HDAC9: variants seen among roughly 807,000 people sequenced by gnomAD.
HDAC9 encodes the protein MEF-2 interacting transcription repressor (MITR) protein.
HDAC9 carries 41 observed loss-of-function variants against 139.4 expected under a neutral mutation model. That is an observed-to-expected ratio of 0.29 (90% CI 0.23 to 0.38). The LOEUF (loss-of-function observed/expected upper bound fraction) is 0.38. Among genes scored for constraint, HDAC9 ranks in the 10% least tolerant of loss-of-function variants. The pLI, the probability that HDAC9 is intolerant of heterozygous loss-of-function variation, is 1.00. For synonymous variants in HDAC9, 517 were observed against 476.2 expected (o/e 1.09, Z -1.12); for missense variants, 1,147 against 1,297.0 (o/e 0.88, Z 1.78).
intron 2 of HDAC9, among the ~76,000 whole-genome samples, chr7:18,259,945 G>A (rs1795538822): frequency 6.6e-6 from 1 of 152,076 alleles, no homozygotes. Context: ...GTTGGCATTG[G>A]CCACAGTTTC....
chr7:18,132,356 C>T (rs925670287), intron 1 of HDAC9, among the ~76,000 whole-genome samples: 1 of 152,100 alleles, frequency 6.6e-6, no homozygotes, highest in African/African-American at 2.4e-5. Flanking sequence ...TTTGTCATAT[C>T]TGAATATATT....
At chr7:18,929,569 T>TG (rs1804546244) in intron 22 of HDAC9, among the ~76,000 whole-genome samples, 1 of 152,166 alleles carries the variant, frequency 6.6e-6, no homozygotes, top group Non-Finnish European at 1.5e-5. Context: ...TAGTAGTAGA[T>TG]GTGGTGTTTG....
chr7:18,718,915 G>C (rs1784917807), intron 12 of HDAC9, among the ~76,000 whole-genome samples: 1 of 152,100 alleles, frequency 6.6e-6, no homozygotes, highest in Non-Finnish European at 1.5e-5. Context: ...CAATTTCTCT[G>C]CATCTTCCAC....
chr7:18,702,417 G>C (rs114759292), intron 12 of HDAC9, among the ~76,000 whole-genome samples: 1,560 of 152,318 alleles, frequency 0.01, 22 homozygotes, highest in African/African-American at 0.036. Flanking sequence ...GAGTGAGGAG[G>C]ATAAAAGTCG....
chr7:18,309,884 G>A (rs1799185997), intron 1 of HDAC9, among the ~76,000 whole-genome samples: 1 of 152,112 alleles, frequency 6.6e-6, no homozygotes, highest in Non-Finnish European at 1.5e-5. Flanking sequence ...CACATTAGTT[G>A]CAAAGGATGA....
At chr7:18,586,792 G>T (rs1294972025) in intron 3 of HDAC9, among the ~76,000 whole-genome samples, 1 of 152,090 alleles carries the variant, frequency 6.6e-6, no homozygotes, top group Non-Finnish European at 1.5e-5. Context: ...CTTAAAGTGA[G>T]AGTATTTTCT....
At chr7:18,185,948 CAT>C (rs1231052848) in intron 2 of HDAC9, among the ~76,000 whole-genome samples, 1 of 152,114 alleles carries the variant, frequency 6.6e-6, no homozygotes, top group African/African-American at 2.4e-5. Context: ...TGGGATATCA[CAT>C]ATTGCTGAAT....
At chr7:18,614,473 T>G (rs534834437) in intron 6 of HDAC9, among the ~76,000 whole-genome samples, 8 of 152,200 alleles carry the variant, frequency 5.3e-5, no homozygotes, top group African/African-American at 7.2e-5. Context: ...TTTCTCATTT[T>G]TAAAGTAGGA....
intron 22 of HDAC9, among the ~76,000 whole-genome samples, chr7:18,881,337 C>A (rs1563017871): frequency 6.6e-6 from 1 of 152,068 alleles, no homozygotes; most frequent in Admixed American, 6.6e-5. Flanking sequence ...GCCTTGATTA[C>A]AATCTGTTTG....
chr7:18,568,777 G>A (rs762437060), intron 2 of HDAC9, among the ~76,000 whole-genome samples: 43 of 152,184 alleles, frequency 2.8e-4, no homozygotes, highest in Non-Finnish European at 5.7e-4. Flanking sequence ...GCCGGGCGCA[G>A]TGGCTCACAC....
At chr7:18,958,074 C>A (rs1404781020) in intron 24 of HDAC9, among the ~76,000 whole-genome samples, 1 of 152,062 alleles carries the variant, frequency 6.6e-6, no homozygotes, top group East Asian at 1.9e-4. Flanking sequence ...CCTTGCCTGG[C>A]CACATGTATG....
intron 1 of HDAC9, among the ~76,000 whole-genome samples, chr7:18,446,436 G>T (rs965247127): frequency 6.6e-6 from 1 of 152,126 alleles, no homozygotes; most frequent in Non-Finnish European, 1.5e-5. Flanking sequence ...ACTGGGAAAG[G>T]TTTAGGGATA....
chr7:18,760,880 G>T (rs1789324442), intron 14 of HDAC9, among the ~76,000 whole-genome samples: 1 of 152,226 alleles, frequency 6.6e-6, no homozygotes, highest in African/African-American at 2.4e-5. Context: ...ACATTGAAGA[G>T]TCTGGCAGCA....
At chr7:18,613,080 T>C (rs1393274715) in intron 6 of HDAC9, among the ~76,000 whole-genome samples, 1 of 148,130 alleles carries the variant, frequency 6.8e-6, no homozygotes, top group Non-Finnish European at 1.5e-5. Context: ...ATAATAGATA[T>C]ATTTATATTT....
At position 18,722,499 on chromosome 7, in the gene HDAC9, T is replaced by C. The variant is rs184021295; in HGVS notation, c.1732-5081T>C. On this transcript the variant is annotated intron_variant, in intron 12 of 25. Transcript: ENST00000686413. ...ACTTACTTAGATGTATAAACATGAA[T>C]AAAATTATCTCAGTAAAACTACTAA... Among the ~76,000 whole-genome samples the C allele has an allele frequency of 2.7e-3, 412 of 152,270 alleles. 1 individual carries two copies. Among genetic ancestry groups the C allele is most frequent in the South Asian group, 0.026 (126 of 4,820 alleles).
chr7:18,287,819 C>T (rs549868642), upstream of HDAC9, among the ~76,000 whole-genome samples: 14 of 152,294 alleles, frequency 9.2e-5, 1 homozygote, highest in African/African-American at 3.1e-4. Context: ...TTCTGGATGC[C>T]GCAATGCTTG....
intron 2 of HDAC9, among the ~76,000 whole-genome samples, chr7:18,532,322 A>G (rs1233190248): frequency 1.3e-5 from 2 of 152,140 alleles, no homozygotes; most frequent in Non-Finnish European, 2.9e-5. Context: ...AAGGCATCAC[A>G]TTTTGGCCAT....
chr7:18,252,169 AT>A (rs2128199116), intron 2 of HDAC9, among the ~76,000 whole-genome samples: 1 of 152,320 alleles, frequency 6.6e-6, no homozygotes, highest in African/African-American at 2.4e-5. Context: ...GACAAAAAAA[AT>A]ATGAAATATT....
At chr7:18,347,173 G>A (rs781202109) in intron 1 of HDAC9, among the ~76,000 whole-genome samples, 12 of 152,134 alleles carry the variant, frequency 7.9e-5, no homozygotes, top group Non-Finnish European at 1.3e-4. Flanking sequence ...CTAGTTACCA[G>A]CACTGCAAAG....
Sources: allele counts gnomAD v4.1 joint callset (sites outside exome capture counted in the v4.1 genomes callset), GRCh38; gene constraint gnomAD v4.1.1; transcripts MANE v1.5; gene names NCBI Gene and HGNC (gene_info 2026-07-23, HGNC 2026-07-21).